Variants in LRP1B observed in about 807,000 individuals in gnomAD.
The protein encoded by LRP1B is LDL receptor related protein 1B, also known as low-density lipoprotein receptor-related protein 1B.
LRP1B carries 217 observed loss-of-function variants against 556.6 expected under a neutral mutation model. The ratio of observed to expected loss-of-function variants is 0.39; its 90% CI spans 0.35 to 0.44. LRP1B has a LOEUF of 0.44. Among genes scored for constraint, LRP1B ranks in the 20% least tolerant of loss-of-function variants. LRP1B has a pLI of 1.00. For missense variants in LRP1B, 5,053 were observed against 5,620.8 expected (o/e 0.90, Z 3.23); for synonymous variants, 2,047 against 1,865.8 (o/e 1.10, Z -2.50).
chr2:141,122,407 A>G (rs1315615569), intron 7 of LRP1B, among the ~76,000 whole-genome samples: 2 of 3,840 alleles, frequency 5.2e-4, no homozygotes, highest in Non-Finnish European at 3.2e-3. Context: ...ACTTACAAGA[A>G]AAAAAAAAAA....
At chr2:141,168,296 G>A (rs984709362) in intron 7 of LRP1B, among the ~76,000 whole-genome samples, 1 of 152,036 alleles carries the variant, frequency 6.6e-6, no homozygotes, top group African/African-American at 2.4e-5. Flanking sequence ...TAAATGACGT[G>A]CATTAAACAG....
intron 1 of LRP1B, among the ~76,000 whole-genome samples, chr2:141,840,057 A>G (rs1420112501): frequency 3.9e-5 from 6 of 152,076 alleles, no homozygotes; most frequent in Admixed American, 3.9e-4. Context: ...TAGTCCTCTC[A>G]GGTAGAGTTG....
chr2:140,257,931 C>T (rs1213533151), intron 86 of LRP1B, among the ~76,000 whole-genome samples: 1 of 152,154 alleles, frequency 6.6e-6, no homozygotes, highest in Non-Finnish European at 1.5e-5. Flanking sequence ...GAGTGCTGCT[C>T]AGCCTGACAG....
chr2:140,314,813 T>C, intron 83 of LRP1B, 122 bp downstream of exon 83: 2 of 668,246 alleles, frequency 3.0e-6, no homozygotes, highest in Non-Finnish European at 4.7e-6. Flanking sequence ...TGTGTTATTA[T>C]ATTGTGTTAG....
chr2:141,836,653 C>G (rs186950116), intron 1 of LRP1B, among the ~76,000 whole-genome samples: 1 of 152,096 alleles, frequency 6.6e-6, no homozygotes, highest in Non-Finnish European at 1.5e-5. Flanking sequence ...TTTTGTATTA[C>G]TGTCACACAC....
intron 57 of LRP1B, among the ~76,000 whole-genome samples, chr2:140,491,504 C>T (rs1199631533): frequency 1.3e-5 from 2 of 151,876 alleles, no homozygotes; most frequent in East Asian, 3.9e-4. Context: ...GCTGTGAAGT[C>T]ATATCCCAAG....
At chr2:141,549,139 A>T (rs1341572888) in intron 2 of LRP1B, among the ~76,000 whole-genome samples, 1 of 152,182 alleles carries the variant, frequency 6.6e-6, no homozygotes, top group Non-Finnish European at 1.5e-5. Flanking sequence ...TAAGAGCACA[A>T]ATTTTGGAGT....
chr2:140,372,690 AC>A (rs1683047833), intron 69 of LRP1B, among the ~76,000 whole-genome samples: 1 of 152,122 alleles, frequency 6.6e-6, no homozygotes, highest in South Asian at 2.1e-4. Context: ...CTTTTACTGT[AC>A]TTTTAATTTC....
chr2:140,353,145 A>C, intron 75 of LRP1B, 73 bp from the exon 76 acceptor site: 4 of 1,513,806 alleles, frequency 2.6e-6, no homozygotes, highest in Non-Finnish European at 3.6e-6. Flanking sequence ...CGTTTCAAAA[A>C]AGCCAAAATT....
rs1017368675 is a variant in LRP1B at position 142,017,795 on chromosome 2, T to C, written c.82+112853A>G. Among the ~76,000 whole-genome samples, 37 of 152,048 alleles carry C rather than the reference T, an allele frequency of 2.4e-4. 1 individual carries two copies. On this transcript the variant is annotated intron_variant, in intron 1 of 90. Transcript: ENST00000389484. Reference sequence around the variant, plus strand: ...CCACCAGGAGGCCAAGGCAGGAAGATTGCTTGAACCCAGAAGGTCAAGGGC... The same window carrying C: ...CCACCAGGAGGCCAAGGCAGGAAGACTGCTTGAACCCAGAAGGTCAAGGGC...
At chr2:141,764,311 G>A (rs1181848749) in intron 2 of LRP1B, among the ~76,000 whole-genome samples, 1 of 152,030 alleles carries the variant, frequency 6.6e-6, no homozygotes, top group Non-Finnish European at 1.5e-5. Context: ...CTTCCAAGTA[G>A]CTGGGACTAC....
At chr2:142,058,582 G>T (rs1704768579) in intron 1 of LRP1B, among the ~76,000 whole-genome samples, 1 of 152,046 alleles carries the variant, frequency 6.6e-6, no homozygotes, top group South Asian at 2.1e-4. Context: ...GCTATCGTTA[G>T]TGTGAATGTA....
intron 60 of LRP1B, among the ~76,000 whole-genome samples, chr2:140,474,646 G>A (rs1485551378): frequency 6.6e-6 from 1 of 151,860 alleles, no homozygotes; most frequent in African/African-American, 2.4e-5. Context: ...CATCTTCTCT[G>A]TTATATCCTT....
chr2:141,507,140 A>G (rs886513718), intron 2 of LRP1B, among the ~76,000 whole-genome samples: 1 of 152,204 alleles, frequency 6.6e-6, no homozygotes, highest in Non-Finnish European at 1.5e-5. Flanking sequence ...TTATTCATGC[A>G]GAAATTTTGC....
At chr2:141,076,441 C>A (rs1699789454) in intron 7 of LRP1B, among the ~76,000 whole-genome samples, 1 of 152,160 alleles carries the variant, frequency 6.6e-6, no homozygotes, top group African/African-American at 2.4e-5. Context: ...AATAGTGATT[C>A]TTAAACTTTA....
At chr2:142,056,664 G>A (rs770591206) in intron 1 of LRP1B, among the ~76,000 whole-genome samples, 87 of 152,210 alleles carry the variant, frequency 5.7e-4, no homozygotes, top group Non-Finnish European at 9.9e-4. Flanking sequence ...AACTCTGATA[G>A]AATCAAATTT....
chr2:141,480,530 G>T lies in LRP1B; in HGVS notation c.209C>A (p.Pro70His), dbSNP rs760848186. ...GGGGCACTTGATTTCTACCTCCTCGGGACCTGAAAAGATGTAAAAAAGAAC... is the reference window on the plus strand; with the variant it reads ...GGGGCACTTGATTTCTACCTCCTCGTGACCTGAAAAGATGTAAAAAAGAAC... ...DDSDESLDTC[P>H]EEVEIKCPLN... The change falls in exon 3 of 91, where the codon CCC (proline) becomes CAC (histidine). Residue 70 changes from proline (P) to histidine (H), a missense_variant. By Grantham distance (77) the Pro-to-His change is moderately conservative. Transcript: ENST00000389484. 5.0e-6 allele frequency: 8 copies of T among 1,613,506 alleles called. No individual in the cohort carries two copies. The Admixed American group carries it at 5.0e-5, about 10-fold the overall frequency.
At chr2:140,550,808 A>C (rs1324103902) in intron 43 of LRP1B, among the ~76,000 whole-genome samples, 2 of 152,150 alleles carry the variant, frequency 1.3e-5, no homozygotes, top group East Asian at 3.8e-4. Context: ...GTCATCTGTA[A>C]TAGTATTATG....
intron 1 of LRP1B, among the ~76,000 whole-genome samples, chr2:142,102,001 G>A (rs1013920827): frequency 6.6e-6 from 1 of 151,852 alleles, no homozygotes; most frequent in African/African-American, 2.4e-5. Context: ...ATAAAACTCT[G>A]ATAGTGCTTT....
Sources: allele counts gnomAD v4.1 joint callset (sites outside exome capture counted in the v4.1 genomes callset), GRCh38; gene constraint gnomAD v4.1.1; transcripts MANE v1.5; gene names NCBI Gene and HGNC (gene_info 2026-07-23, HGNC 2026-07-21).